Variants in ARSF observed in about 807,000 individuals in gnomAD.
ARSF encodes arylsulfatase F.
ARSF carries 33 observed loss-of-function variants against 35.4 expected under a neutral mutation model. The observed-to-expected ratio is 0.93, with a 90% CI of 0.71 to 1.25. The LOEUF (loss-of-function observed/expected upper bound fraction) is 1.25. Among genes scored for constraint, ARSF ranks in the 50% most tolerant of loss-of-function variants. The pLI is 0.00. For synonymous variants in ARSF, 222 were observed against 193.1 expected, an observed-to-expected ratio of 1.15 and a Z score of -1.24; for missense variants, 501 against 480.2, an observed-to-expected ratio of 1.04 and a Z score of -0.40.
chrX:3,079,342 A>ATTTTT (rs57390116), intron 4 of ARSF, among the ~76,000 whole-genome samples: 1 of 71,174 alleles, frequency 1.4e-5, no homozygotes, highest in Non-Finnish European at 2.6e-5. Context: ...GCATGGTTCT[A>ATTTTT]TTTTTTTTTT....
In ARSF at chrX:3,084,281, G is replaced by T. The variant is rs776585908; in HGVS notation, c.445G>T (p.Asp149Tyr). ...HQGLNCDSRS[D>Y]QCHHPYNYGF... is the part of the protein sequence containing the mutation. ...AGGCTTGAACTGCGACTCCCGAAGT[G>T]ACCAGTGCCACCATCCATATAATTA... is the stretch of plus-strand genomic sequence containing the variant. The change falls in exon 6 of 11, where the codon GAC becomes TAC. Residue 149 changes from aspartate to tyrosine, a missense_variant. By Grantham distance (160) the Asp-to-Tyr change is radical (BLOSUM62 -3). Transcript: ENST00000381127. 5.0e-6 allele frequency: 6 copies of T among 1,211,732 alleles called. No homozygotes were observed. The highest frequency in any genetic ancestry group is 5.6e-6 in the Non-Finnish European group (5 of 895,532).
In ARSF at chrX:3,095,771, C is replaced by T. The variant is rs375600868; in HGVS notation, c.968-5316C>T. ...TACTTTTAAGCATAATGTTGACTGA[C>T]GCTTTGAATATTTTAATTCTTAATA... On this transcript the variant is annotated intron_variant, in intron 7 of 10. Coordinates refer to ENST00000381127, the MANE Select transcript of ARSF (RefSeq NM_001201539.2). Among the ~76,000 whole-genome samples the T allele has an allele frequency of 2.2e-4, 24 of 109,594 alleles. No individual in the cohort carries two copies. In the East Asian group the frequency reaches 5.4e-3, roughly 25 times the overall value.
intron 9 of ARSF, among the ~76,000 whole-genome samples, chrX:3,104,427 C>A (rs958506102): frequency 8.9e-6 from 1 of 111,786 alleles, no homozygotes; most frequent in Admixed American, 9.6e-5. Flanking sequence ...GAATAGTATT[C>A]CCTTGTGCAT....
intron 1 of ARSF, among the ~76,000 whole-genome samples, chrX:3,065,799 T>G: frequency 9.0e-6 from 1 of 111,534 alleles, no homozygotes; most frequent in East Asian, 2.8e-4. Context: ...TCTGGTCTAA[T>G]GCAAGATCTG....
At chrX:3,102,924 T>A (rs1336091670) in intron 8 of ARSF, among the ~76,000 whole-genome samples, 1 of 109,066 alleles carries the variant, frequency 9.2e-6, no homozygotes, top group East Asian at 2.9e-4. Context: ...AAAAAAAAAA[T>A]TAACTTTTCA....
At position 3,084,430 on chromosome X, in the gene ARSF, T is replaced by C. The variant is rs760079637; in HGVS notation, c.594T>C (p.Ile198=). 2.6e-5 allele frequency: 32 copies of C among 1,209,754 alleles called. No homozygotes were observed. Among genetic ancestry groups the C allele is most frequent in the Non-Finnish European group, 3.6e-5 (32 of 895,264 alleles). Reference sequence around the variant, plus strand: ...GGCTCTGTGTGCAGCTAGTTGCCATTGCCATCCTCACCCTAACCTTTGGGA... The same window carrying C: ...GGCTCTGTGTGCAGCTAGTTGCCATCGCCATCCTCACCCTAACCTTTGGGA... The part of the protein sequence containing the change: ...QLWLCVQLVA[I]AILTLTFGKL... Residue 198 remains isoleucine, a synonymous_variant, in exon 6 of 11, where the codon ATT becomes ATC. Transcript: ENST00000381127.
chrX:3,058,470 C>T (rs1329671141), intron 1 of ARSF: 1 of 246,204 alleles, frequency 4.1e-6, no homozygotes, highest in African/African-American at 2.8e-5. Context: ...TCCCCCACCT[C>T]AGTCTCCTGA....
chrX:3,112,715 A>G lies in ARSF; in HGVS notation c.*159A>G, dbSNP rs1033098263. On this transcript the variant is annotated 3_prime_UTR_variant, in exon 11 of 11. Transcript: ENST00000381127. ...TACCATTCCAGATTATTAAAGGCCC[A>G]CTGGTTGTTCCACTTGCTGCTTTTT... 6.2e-6 allele frequency: 5 copies of G among 806,430 alleles called. No individual in the cohort carries two copies. In the African/African-American group the frequency reaches 8.5e-5, roughly 14 times the overall value. The allele number at this position is 806,430 out of a possible 1,213,427, so 66.5% of individuals were successfully genotyped here.
rs1314084090 is a variant in ARSF, at chrX:3,078,656, T to G, written c.283+1987T>G. ...CTGAGATTACAGGTACCCGCCACCATGCCCAGCTAATTTTTGTATTTTTGG... is the reference window on the plus strand; with the variant it reads ...CTGAGATTACAGGTACCCGCCACCAGGCCCAGCTAATTTTTGTATTTTTGG... On this transcript the variant is annotated intron_variant, in intron 4 of 10. Coordinates refer to ENST00000381127, the MANE Select transcript of ARSF (RefSeq NM_001201539.2). 1.4e-4 allele frequency among the ~76,000 whole-genome samples: 16 copies of G among 110,691 alleles called. No homozygotes were observed. The Admixed American group carries it at 1.5e-3, about 10-fold the overall frequency.
chrX:3,060,067 C>T (rs1407111379), intron 1 of ARSF, among the ~76,000 whole-genome samples: 1 of 111,669 alleles, frequency 9.0e-6, no homozygotes, highest in African/African-American at 3.3e-5. Flanking sequence ...ACAGGTGGTG[C>T]CCCTCTGGGA....
At chrX:3,087,506 T>C (rs1229404988) in intron 6 of ARSF, among the ~76,000 whole-genome samples, 1 of 111,639 alleles carries the variant, frequency 9.0e-6, no homozygotes, top group Non-Finnish European at 1.9e-5. Flanking sequence ...TTGGATTTAG[T>C]GCCCATCCTA....
At position 3,110,268 on chromosome X, in the gene ARSF, G is replaced by A. The variant is rs371115509; in HGVS notation, c.1390+16G>A. ...AAGGACGACAGTGAGTGCTCAACCCGTTGCTTCCTGTTCCCTGCCAGGAGC... is the reference window on the plus strand; with the variant it reads ...AAGGACGACAGTGAGTGCTCAACCCATTGCTTCCTGTTCCCTGCCAGGAGC... On this transcript the variant is annotated intron_variant, in intron 10 of 10. Transcript: ENST00000381127. The A allele has an allele frequency of 6.6e-5, 75 of 1,138,458 alleles. No homozygotes were observed. The highest frequency in any genetic ancestry group is 2.5e-4 in the Middle Eastern group (1 of 4,011). The allele number at this position is 1,138,458 out of a possible 1,213,427, so 93.8% of individuals were successfully genotyped here.
intron 1 of ARSF, among the ~76,000 whole-genome samples, chrX:3,059,288 C>A (rs1294486284): frequency 9.0e-6 from 1 of 111,453 alleles, no homozygotes; most frequent in Non-Finnish European, 1.9e-5. Flanking sequence ...CATGGTGAAA[C>A]CCCGTCTCTA....
At chrX:3,053,212 G>A (rs2090003525) in intron 1 of ARSF, among the ~76,000 whole-genome samples, 1 of 111,491 alleles carries the variant, frequency 9.0e-6, no homozygotes, top group Admixed American at 9.6e-5. Flanking sequence ...TTTATTTAGG[G>A]AGAATTTCTG....
intron 1 of ARSF, among the ~76,000 whole-genome samples, chrX:3,047,183 A>AT (rs375167618): frequency 3.6e-3 from 375 of 103,271 alleles, no homozygotes; most frequent in Non-Finnish European, 5.1e-3. Context: ...AGTATGTTTA[A>AT]TTTTTTTTTT....
At chrX:3,079,970 C>CAAAAAAAAAAAAAA (rs1224175073) in intron 4 of ARSF, among the ~76,000 whole-genome samples, 5 of 28,374 alleles carry the variant, frequency 1.8e-4, no homozygotes, top group East Asian at 2.5e-3. Flanking sequence ...ACAACAACAA[C>CAAAAAAAAAAAAAA]AAAAAAAAAA....
chrX:3,102,481 GA>G (rs2090383684), intron 8 of ARSF, among the ~76,000 whole-genome samples: 1 of 112,556 alleles, frequency 8.9e-6, no homozygotes, highest in Non-Finnish European at 1.9e-5. Flanking sequence ...TGGCTGAGTA[GA>G]ATTCCATGGT....
At chrX:3,061,094 A>C (rs1333644871) in intron 1 of ARSF, among the ~76,000 whole-genome samples, 2 of 112,003 alleles carry the variant, frequency 1.8e-5, no homozygotes, top group African/African-American at 3.2e-5. Context: ...TCAGACTAAC[A>C]GTGGATCTCT....
chrX:3,043,997 C>A (rs1431245363), intron 1 of ARSF, among the ~76,000 whole-genome samples: 1 of 111,150 alleles, frequency 9.0e-6, no homozygotes, highest in African/African-American at 3.3e-5. Flanking sequence ...CCATGTTGGC[C>A]AGGCTGGTCT....
Sources: gnomAD v4.1 joint callset for allele counts (sites outside exome capture counted in the v4.1 genomes callset) on GRCh38, gnomAD v4.1.1 for gene constraint, MANE v1.5 for transcripts, NCBI Gene and HGNC (gene_info 2026-07-23, HGNC 2026-07-21) for gene names.